PRKCE: variants seen among roughly 807,000 people sequenced by gnomAD.
PRKCE encodes protein kinase C epsilon type.
A neutral mutation model predicts 85.4 loss-of-function variants in PRKCE; 16 were observed. The ratio of observed to expected loss-of-function variants is 0.19; its 90% CI spans 0.13 to 0.28. The LOEUF is 0.28. Among genes scored for constraint, PRKCE ranks in the 10% least tolerant of loss-of-function variants. The pLI is 1.00. For synonymous variants in PRKCE, 388 were observed against 371.5 expected, an observed-to-expected ratio of 1.04 and a Z score of -0.51; for missense variants, 573 against 975.2, an observed-to-expected ratio of 0.59 and a Z score of 5.49.
intron 2 of PRKCE, chr2:45,845,348 C>T (rs1691696109): frequency 6.6e-6 from 1 of 150,640 alleles, no homozygotes; most frequent in Non-Finnish European, 1.5e-5. Context: ...CAACCACCCT[C>T]CTGGATTTAC....
intron 10 of PRKCE, among the ~76,000 whole-genome samples, chr2:46,075,267 T>G (rs1035593655): frequency 6.6e-6 from 1 of 151,788 alleles, no homozygotes; most frequent in South Asian, 2.1e-4. Context: ...GGTCTTAATC[T>G]CCTCGTGATC....
intron 2 of PRKCE, among the ~76,000 whole-genome samples, chr2:45,855,748 G>C (rs977336955): frequency 2.0e-5 from 3 of 152,186 alleles, no homozygotes; most frequent in African/African-American, 4.8e-5. Context: ...AGGTTTCTTT[G>C]AGAAGAATTT....
At chr2:46,040,126 TAC>T (rs1401229992) in intron 10 of PRKCE, among the ~76,000 whole-genome samples, 1 of 152,234 alleles carries the variant, frequency 6.6e-6, no homozygotes, top group African/African-American at 2.4e-5. Context: ...CCTCTCTGAA[TAC>T]ACACAGTGTT....
chr2:45,983,172 T>G (rs917335453), intron 5 of PRKCE, among the ~76,000 whole-genome samples: 1 of 152,232 alleles, frequency 6.6e-6, no homozygotes, highest in Non-Finnish European at 1.5e-5. Flanking sequence ...CAGTGAAATC[T>G]TGGTCCAATG....
At chr2:45,682,711 C>A (rs1047209836) in intron 1 of PRKCE, among the ~76,000 whole-genome samples, 1 of 152,200 alleles carries the variant, frequency 6.6e-6, no homozygotes, top group Non-Finnish European at 1.5e-5. Context: ...CTCAGCCTCA[C>A]AAGTAGCTGG....
At chr2:46,074,609 C>T (rs889590698) in intron 10 of PRKCE, among the ~76,000 whole-genome samples, 4 of 152,098 alleles carry the variant, frequency 2.6e-5, no homozygotes, top group African/African-American at 9.7e-5. Flanking sequence ...AGCATGACCT[C>T]TGTAGGTTTT....
At chr2:45,719,173 G>A (rs1214185766) in intron 1 of PRKCE, among the ~76,000 whole-genome samples, 1 of 152,236 alleles carries the variant, frequency 6.6e-6, no homozygotes, top group Admixed American at 6.5e-5. Flanking sequence ...TCCTGTGCTT[G>A]GGGACTTCCC....
Position 45,707,319 on chromosome 2 carries a change from T to C in PRKCE, c.348+54871T>C, listed in dbSNP as rs554800480. 3.9e-5 allele frequency among the ~76,000 whole-genome samples: 6 copies of C among 152,350 alleles called. No individual in the cohort carries two copies. In the South Asian group the frequency reaches 1.0e-3, roughly 26 times the overall value. ...CATCAAGAGTGAGTCCTAGCCAAGA[T>C]TGTAATTGTTACCAAACATCTGAAT... On this transcript the variant is annotated intron_variant, in intron 1 of 14. Coordinates refer to ENST00000306156, the MANE Select transcript of PRKCE (RefSeq NM_005400.3).
At chr2:46,150,743 T>A (rs1188295134) in intron 12 of PRKCE, among the ~76,000 whole-genome samples, 2 of 152,170 alleles carry the variant, frequency 1.3e-5, no homozygotes, top group East Asian at 1.9e-4. Flanking sequence ...TGCAGTTTTT[T>A]AAAATGTGGC....
At chr2:46,156,616 C>A (rs374887493) in intron 13 of PRKCE, among the ~76,000 whole-genome samples, 1 of 152,228 alleles carries the variant, frequency 6.6e-6, no homozygotes, top group African/African-American at 2.4e-5. Context: ...GGCTCCCAGC[C>A]TCTTCCATCC....
At chr2:45,881,147 C>T (rs997470485) in intron 2 of PRKCE, among the ~76,000 whole-genome samples, 16 of 118,414 alleles carry the variant, frequency 1.4e-4, no homozygotes, top group Admixed American at 2.8e-4. Context: ...AGCGAGACTC[C>T]GTCTCAAAAA....
chr2:45,925,793 G>A (rs1698572015), intron 2 of PRKCE, among the ~76,000 whole-genome samples: 1 of 152,240 alleles, frequency 6.6e-6, no homozygotes, highest in Non-Finnish European at 1.5e-5. Context: ...ATGACAGAAG[G>A]CTGCTTTCAA....
intron 1 of PRKCE, among the ~76,000 whole-genome samples, chr2:45,734,870 A>G (rs1321832753): frequency 6.6e-6 from 1 of 152,246 alleles, no homozygotes; most frequent in Non-Finnish European, 1.5e-5. Flanking sequence ...GGAAAGGTCT[A>G]GCCTCCTTTC....
intron 1 of PRKCE, among the ~76,000 whole-genome samples, chr2:45,741,649 TTTTGGGCCTGTGC>T (rs1357610399): frequency 1.0e-3 from 144 of 144,500 alleles, no homozygotes; most frequent in African/African-American, 3.9e-3. Flanking sequence ...CATGTGCAAG[TTTTGGGCCTGTGC>T]CCAGGCTGTA....
At chr2:45,759,971 T>A (rs1489370018) in intron 1 of PRKCE, among the ~76,000 whole-genome samples, 3 of 152,100 alleles carry the variant, frequency 2.0e-5, no homozygotes, top group African/African-American at 7.2e-5. Flanking sequence ...AGCCCTTGAG[T>A]CTTAGCTTAG....
intron 2 of PRKCE, among the ~76,000 whole-genome samples, chr2:45,883,661 A>G (rs1695040975): frequency 2.0e-5 from 3 of 152,192 alleles, no homozygotes; most frequent in African/African-American, 7.2e-5. Flanking sequence ...GTGAGTCTGC[A>G]CAACTACCAT....
intron 2 of PRKCE, among the ~76,000 whole-genome samples, chr2:45,950,219 C>T (rs188304146): frequency 1.3e-5 from 2 of 152,214 alleles, no homozygotes; most frequent in East Asian, 1.9e-4. Flanking sequence ...AGGCTGAAGC[C>T]GTCTTCAGTG....
chr2:45,993,527 C>T (rs141172643), intron 6 of PRKCE, among the ~76,000 whole-genome samples: 1 of 152,124 alleles, frequency 6.6e-6, no homozygotes, highest in Non-Finnish European at 1.5e-5. Context: ...AAAGATACCC[C>T]CTTTGCCGAC....
chr2:46,042,405 T>C (rs1708267673), intron 10 of PRKCE, among the ~76,000 whole-genome samples: 1 of 152,194 alleles, frequency 6.6e-6, no homozygotes, highest in Non-Finnish European at 1.5e-5. Context: ...ACAAGGAGCA[T>C]TGGTAAGAAA....
Sources: allele counts gnomAD v4.1 joint callset (sites outside exome capture counted in the v4.1 genomes callset), GRCh38; gene constraint gnomAD v4.1.1; transcripts MANE v1.5; gene names NCBI Gene and HGNC (gene_info 2026-07-23, HGNC 2026-07-21).